Variants in ERMP1 observed in about 807,000 individuals in gnomAD.
The protein encoded by ERMP1 is Felix-ina.
ERMP1 carries 86 observed loss-of-function variants against 92.0 expected under a neutral mutation model. The observed-to-expected ratio is 0.93, with a 90% confidence interval of 0.79 to 1.12. The LOEUF is 1.12. ERMP1 is among the 50% of genes most tolerant of loss of function. The probability of loss-of-function intolerance (pLI) is 0.00; values close to 1 mark genes in which losing one functional copy is unlikely to be tolerated. For missense variants in ERMP1, 1,342 were observed against 1,116.3 expected, an observed-to-expected ratio of 1.20 and a Z score of -2.88; for synonymous variants, 530 against 412.8, an observed-to-expected ratio of 1.28 and a Z score of -3.44.
rs1830540914 is a variant in ERMP1, at chr9:5,862,790, G to A, written n.3056-3179C>T. 2.0e-5 allele frequency among the ~76,000 whole-genome samples: 3 copies of A among 152,216 alleles called. No homozygotes were observed. In the South Asian group the frequency reaches 6.2e-4, roughly 32 times the overall value. On this transcript the variant is annotated intron_variant and non_coding_transcript_variant, in intron 5 of 6. Coordinates refer to the ERMP1 transcript ENST00000690753. Reference sequence around the variant, plus strand: ...CAAGGTGAGTTCTCATTCCAAAGGAGTGTCTACTTGTTGGGGCCATGGGTT... The same window carrying A: ...CAAGGTGAGTTCTCATTCCAAAGGAATGTCTACTTGTTGGGGCCATGGGTT...
intron 6 of ERMP1, among the ~76,000 whole-genome samples, chr9:5,842,447 AAAAG>A (rs1450922964): frequency 3.3e-5 from 5 of 150,376 alleles, no homozygotes; most frequent in East Asian, 2.0e-4. Context: ...AAAAAAAAAA[AAAAG>A]AAAGAAAAGA....
At chr9:5,819,519 CTT>C (rs1829449643) in intron 4 of ERMP1, among the ~76,000 whole-genome samples, 1 of 152,210 alleles carries the variant, frequency 6.6e-6, no homozygotes, top group Admixed American at 6.5e-5. Context: ...TGGTGCCACC[CTT>C]GTTATTGATC....
upstream of ERMP1, among the ~76,000 whole-genome samples, chr9:5,834,758 T>TA (rs1830065410): frequency 7.2e-6 from 1 of 139,364 alleles, no homozygotes; most frequent in Non-Finnish European, 1.5e-5. Context: ...TGTCTGACAA[T>TA]ATCCCATGGT....
intron 5 of ERMP1, among the ~76,000 whole-genome samples, chr9:5,863,638 C>T (rs1484812321): frequency 6.6e-6 from 1 of 152,120 alleles, no homozygotes; most frequent in South Asian, 2.1e-4. Context: ...ATGTAAGGAT[C>T]AGAGGGAAGG....
At chr9:5,841,191 C>G (rs1830158406) in intron 6 of ERMP1, among the ~76,000 whole-genome samples, 1 of 152,146 alleles carries the variant, frequency 6.6e-6, no homozygotes, top group African/African-American at 2.4e-5. Flanking sequence ...AATCCATAAG[C>G]AGAAAGCCAG....
intron 6 of ERMP1, among the ~76,000 whole-genome samples, chr9:5,850,623 A>G (rs886163459): frequency 2.6e-5 from 4 of 152,128 alleles, no homozygotes; most frequent in Non-Finnish European, 5.9e-5. Flanking sequence ...CATAAGAACT[A>G]GATGAAGCAT....
At position 5,812,214 on chromosome 9, in the gene ERMP1, A is replaced by G. The variant is rs377105796; in HGVS notation, c.1025T>C (p.Ile342Thr). Reference protein sequence around the residue: ...IYRDFGNIPGIDLAFIENGYI... With the variant: ...IYRDFGNIPGTDLAFIENGYI... ...TCCATTCTCAATAAAAGCTAAGTCTATTCCTAAAACATATATATAGAAAAA... is the reference window on the plus strand; with the variant it reads ...TCCATTCTCAATAAAAGCTAAGTCTGTTCCTAAAACATATATATAGAAAAA... The change falls in exon 6 of 15, where the codon ATA (isoleucine) becomes ACA (threonine). Residue 342 changes from isoleucine (I) to threonine (T), a missense_variant. Coordinates refer to ENST00000339450, the MANE Select transcript of ERMP1 (RefSeq NM_024896.3). The G allele has an allele frequency of 3.8e-6, 6 of 1,575,232 alleles. No homozygotes were observed. Among genetic ancestry groups the G allele is most frequent in the Non-Finnish European group, 5.2e-6 (6 of 1,151,922 alleles).
rs945400231 is a variant in ERMP1, at chr9:5,839,339, C to A, written n.3200-6027G>T. On this transcript the variant is annotated intron_variant and non_coding_transcript_variant, in intron 6 of 6. Coordinates refer to the ERMP1 transcript ENST00000690753. ...GAATTTACTTTTCCCTCCTTCATAG[C>A]ACATTCCTCATACAATAGGAGAAGA... is the stretch of plus-strand genomic sequence containing the variant. Among the ~76,000 whole-genome samples the A allele has an allele frequency of 2.0e-5, 3 of 152,190 alleles. No homozygotes were observed. In the South Asian group the frequency reaches 6.2e-4, roughly 32 times the overall value.
chr9:5,811,072 G>T, intron 7 of ERMP1, 39 bp downstream of exon 7: 1 of 1,387,510 alleles, frequency 7.2e-7, no homozygotes, highest in Non-Finnish European at 1.0e-6. Flanking sequence ...ACATTCTACA[G>T]CAATGCCAGT....
chr9:5,814,704 TG>T (rs1261719613), intron 4 of ERMP1, among the ~76,000 whole-genome samples: 3 of 152,108 alleles, frequency 2.0e-5, no homozygotes, highest in African/African-American at 7.2e-5. Context: ...CACTCCAGCC[TG>T]GGTGACAGAG....
chr9:5,812,167 C>G lies in ERMP1; in HGVS notation c.1072G>C (p.Asp358His), dbSNP rs1230776205. The G allele has an allele frequency of 6.2e-7, 1 of 1,611,598 alleles. No individual in the cohort carries two copies. Among genetic ancestry groups the G allele is most frequent in the Non-Finnish European group, 8.5e-7 (1 of 1,178,676 alleles). ...ENGYIYHTKYDTADRILTDSI... is the reference protein window; with the variant it reads ...ENGYIYHTKYHTADRILTDSI... Reference sequence around the variant, plus strand: ...TCTGTTAGAATTCTGTCCGCTGTGTCATACTTGGTGTGATAAATGTATCCA... The same window carrying G: ...TCTGTTAGAATTCTGTCCGCTGTGTGATACTTGGTGTGATAAATGTATCCA... The change falls in exon 6 of 15, where the codon GAC (aspartate) becomes CAC (histidine). Residue 358 changes from aspartate (D) to histidine (H), a missense_variant. Asp to His is a moderately conservative substitution (Grantham distance 81, BLOSUM62 -1). Coordinates refer to ENST00000339450, the MANE Select transcript of ERMP1 (RefSeq NM_024896.3).
intron 10 of ERMP1, among the ~76,000 whole-genome samples, 191 bp downstream of exon 10, chr9:5,804,836 C>G (rs1472668001): frequency 6.6e-6 from 1 of 151,734 alleles, no homozygotes; most frequent in Non-Finnish European, 1.5e-5. Context: ...TTTTAAACAG[C>G]AACAACAAAC....
intron 3 of ERMP1, among the ~76,000 whole-genome samples, chr9:5,824,256 G>A (rs974536144): frequency 3.3e-5 from 5 of 152,140 alleles, no homozygotes; most frequent in African/African-American, 1.2e-4. Flanking sequence ...AACATCCCTG[G>A]TAAGTACAAG....
chr9:5,787,137 C>T lies in ERMP1; in HGVS notation c.*7G>A. ...ACTGGGCATGTACTTAGAGCTCATCCACAAGATTAAAATACAAAGAGATCG... is the reference window on the plus strand; with the variant it reads ...ACTGGGCATGTACTTAGAGCTCATCTACAAGATTAAAATACAAAGAGATCG... On this transcript the variant is annotated 3_prime_UTR_variant, in exon 15 of 15. Transcript: ENST00000339450. The T allele has an allele frequency of 6.2e-7, 1 of 1,610,494 alleles. No individual in the cohort carries two copies. The highest frequency in any genetic ancestry group is 1.1e-5 in the South Asian group (1 of 90,402).
intron 1 of ERMP1, chr9:5,832,466 A>G (rs1294766529): frequency 8.6e-6 from 4 of 465,004 alleles, no homozygotes; most frequent in African/African-American, 4.1e-5. Context: ...GGCAACCCCA[A>G]TCTGCACCAC....
At position 5,787,580 on chromosome 9, in the gene ERMP1, CAT is replaced by C; in HGVS notation, c.2398_2399del (p.Met800ValfsTer26). The C allele has an allele frequency of 1.2e-6, 2 of 1,612,484 alleles. No individual in the cohort carries two copies. The highest frequency in any genetic ancestry group is 1.7e-6 in the Non-Finnish European group (2 of 1,179,472). The stretch of plus-strand genomic sequence containing the variant: ...CTTTGTGGGCTCGAACATAGAAGGA[CAT>C]ATGGCTTGGTCCTGTAAGGTAAAAG... ...LTFEATGPSH[M>X]SFYVRAHKGS... On this transcript the variant is annotated frameshift_variant, in exon 14 of 15. Coordinates refer to ENST00000339450, the MANE Select transcript of ERMP1 (RefSeq NM_024896.3). LOFTEE classifies it high-confidence loss of function.
chr9:5,856,802 T>C (rs1000993448), intron 6 of ERMP1, among the ~76,000 whole-genome samples: 1 of 152,194 alleles, frequency 6.6e-6, no homozygotes, highest in Non-Finnish European at 1.5e-5. Flanking sequence ...TTAATATATA[T>C]TGTTGATTCA....
chr9:5,827,643 C>G (rs563116588), intron 2 of ERMP1, among the ~76,000 whole-genome samples: 1 of 151,892 alleles, frequency 6.6e-6, no homozygotes, highest in Non-Finnish European at 1.5e-5. Context: ...AGGCAGATCA[C>G]GAGGTCAGGA....
chr9:5,861,878 G>A (rs1423938084), intron 5 of ERMP1, among the ~76,000 whole-genome samples: 1 of 151,860 alleles, frequency 6.6e-6, no homozygotes, highest in Non-Finnish European at 1.5e-5. Flanking sequence ...TCTTTTCATG[G>A]GGCCAGTTGA....
Sources: allele counts gnomAD v4.1 joint callset (sites outside exome capture counted in the v4.1 genomes callset), GRCh38; gene constraint gnomAD v4.1.1; transcripts MANE v1.5; gene names NCBI Gene and HGNC (gene_info 2026-07-23, HGNC 2026-07-21).